The following ERBB4 variants were observed in gnomAD, a reference collection of about 807,000 sequenced individuals.
ERBB4 encodes the protein erb-b2 receptor tyrosine kinase 4, also known as receptor tyrosine-protein kinase erbB-4.
A neutral mutation model predicts 158.0 loss-of-function variants in ERBB4; 42 were observed. The ratio of observed to expected loss-of-function variants is 0.27; its 90% CI spans 0.21 to 0.34. The LOEUF (loss-of-function observed/expected upper bound fraction) is 0.34, where lower values mean the gene tolerates loss of function less well. Ranked by LOEUF, ERBB4 falls within the 10% of genes least tolerant of loss-of-function variation. ERBB4 has a pLI of 1.00. For synonymous variants in ERBB4, 583 were observed against 558.7 expected (o/e 1.04, Z -0.61); for missense variants, 1,333 against 1,624.1 (o/e 0.82, Z 3.08).
Position 211,768,884 on chromosome 2 carries a change from G to A in ERBB4, c.557-18180C>T, listed in dbSNP as rs149968385. On this transcript the variant is annotated intron_variant, in intron 4 of 27. Coordinates refer to ENST00000342788, the MANE Select transcript of ERBB4 (RefSeq NM_005235.3). ...CTCCTTACTTATGCCAATTTTTGCA[G>A]CCAGCTTGAATTTCTCATCAGAAAA... Among the ~76,000 whole-genome samples the A allele has an allele frequency of 3.6e-3, 545 of 152,282 alleles. 5 individuals are homozygous for A. The highest frequency in any genetic ancestry group is 0.014 in the Middle Eastern group (4 of 294).
intron 2 of ERBB4, among the ~76,000 whole-genome samples, chr2:212,028,656 G>A (rs2076830792): frequency 6.6e-6 from 1 of 152,042 alleles, no homozygotes; most frequent in South Asian, 2.1e-4. Context: ...CTGTGAAATA[G>A]TTTCCCTTTA....
chr2:212,124,342 C>T (rs2079852174), intron 2 of ERBB4, among the ~76,000 whole-genome samples: 1 of 151,474 alleles, frequency 6.6e-6, no homozygotes, highest in Non-Finnish European at 1.5e-5. Context: ...CAGTGTTAGT[C>T]TCCTTATGTG....
chr2:212,308,936 G>A (rs2086914854), intron 1 of ERBB4, among the ~76,000 whole-genome samples: 3 of 150,908 alleles, frequency 2.0e-5, no homozygotes, highest in East Asian at 2.0e-4. Flanking sequence ...CCAATATTGG[G>A]TAAAAATAAC....
intron 12 of ERBB4, 112 bp downstream of exon 12, chr2:211,701,855 G>T: frequency 1.3e-6 from 1 of 763,526 alleles, no homozygotes; most frequent in Non-Finnish European, 2.3e-6. Flanking sequence ...TTTAAGGGTT[G>T]GGATAACAGA....
intron 16 of ERBB4, among the ~76,000 whole-genome samples, chr2:211,633,838 C>T (rs2070243947): frequency 2.0e-5 from 3 of 151,850 alleles, no homozygotes; most frequent in African/African-American, 7.3e-5. Context: ...AACTATACAT[C>T]TAACAAAGGT....
chr2:211,746,371 A>G (rs535736499), intron 5 of ERBB4, among the ~76,000 whole-genome samples: 1 of 152,352 alleles, frequency 6.6e-6, no homozygotes, highest in Admixed American at 6.5e-5. Context: ...TGGAGTAAGC[A>G]CAGTGGCCGT....
At chr2:211,875,901 T>C (rs1024559602) in intron 3 of ERBB4, among the ~76,000 whole-genome samples, 2 of 152,162 alleles carry the variant, frequency 1.3e-5, no homozygotes, top group Non-Finnish European at 2.9e-5. Context: ...CACTGGTTTG[T>C]AGTAACAGGC....
At chr2:211,815,193 A>C (rs761429106) in intron 3 of ERBB4, among the ~76,000 whole-genome samples, 6 of 152,226 alleles carry the variant, frequency 3.9e-5, no homozygotes, top group Non-Finnish European at 7.3e-5. Flanking sequence ...ATGATAAAGA[A>C]AGTAACTCAT....
intron 4 of ERBB4, among the ~76,000 whole-genome samples, chr2:211,756,838 G>T (rs1273948169): frequency 6.6e-6 from 1 of 152,308 alleles, no homozygotes; most frequent in Middle Eastern, 3.4e-3. Context: ...TATTAGAGCT[G>T]ATCAGATGCT....
At chr2:212,328,501 T>C (rs1308298672) in intron 1 of ERBB4, among the ~76,000 whole-genome samples, 1 of 152,014 alleles carries the variant, frequency 6.6e-6, no homozygotes, top group Non-Finnish European at 1.5e-5. Context: ...CAGAGTAGCA[T>C]ATGAAGCTGG....
intron 1 of ERBB4, among the ~76,000 whole-genome samples, chr2:212,234,772 A>G (rs982670632): frequency 1.3e-5 from 2 of 152,160 alleles, no homozygotes; most frequent in African/African-American, 4.8e-5. Context: ...GGCTGCATAA[A>G]TGTCTTCTTT....
At chr2:211,832,129 T>C (rs903025334) in intron 3 of ERBB4, among the ~76,000 whole-genome samples, 1 of 152,138 alleles carries the variant, frequency 6.6e-6, no homozygotes, top group East Asian at 1.9e-4. Context: ...ATATAGCTAC[T>C]GTAGCTTTTA....
intron 3 of ERBB4, among the ~76,000 whole-genome samples, chr2:211,917,821 G>C (rs1575374840): frequency 6.6e-6 from 1 of 152,272 alleles, no homozygotes; most frequent in East Asian, 1.9e-4. Context: ...ATTCACTGAA[G>C]GGTTTTGAGG....
intron 20 of ERBB4, among the ~76,000 whole-genome samples, chr2:211,513,422 A>G (rs995415255): frequency 2.0e-5 from 3 of 150,178 alleles, no homozygotes; most frequent in African/African-American, 7.3e-5. Flanking sequence ...ATGGTCAACT[A>G]TGCCTTTTTT....
intron 1 of ERBB4, among the ~76,000 whole-genome samples, chr2:212,518,156 T>A (rs1032831791): frequency 6.6e-6 from 1 of 152,028 alleles, no homozygotes; most frequent in Non-Finnish European, 1.5e-5. Context: ...CATAAATCAG[T>A]CTAAAACACT....
intron 20 of ERBB4, among the ~76,000 whole-genome samples, chr2:211,493,954 T>C (rs1010728368): frequency 1.3e-5 from 2 of 152,110 alleles, no homozygotes; most frequent in Non-Finnish European, 2.9e-5. Context: ...AAGACCCTAA[T>C]TTATAGCATT....
At chr2:211,543,053 G>A (rs2066854610) in intron 20 of ERBB4, among the ~76,000 whole-genome samples, 1 of 151,886 alleles carries the variant, frequency 6.6e-6, no homozygotes, top group African/African-American at 2.4e-5. Flanking sequence ...GAAAAATTTA[G>A]AACTTCCAAT....
intron 16 of ERBB4, among the ~76,000 whole-genome samples, chr2:211,653,763 C>G (rs2105889841): frequency 6.6e-6 from 1 of 152,212 alleles, no homozygotes; most frequent in Middle Eastern, 3.4e-3. Context: ...TAACCTCTGC[C>G]TCCCAGGTTC....
chr2:212,071,541 A>AAT (rs1229019588), intron 2 of ERBB4, among the ~76,000 whole-genome samples: 1 of 152,018 alleles, frequency 6.6e-6, no homozygotes, highest in East Asian at 1.9e-4. Flanking sequence ...TACAAAAGAC[A>AAT]ATAATCTTCT....
Sources: allele counts gnomAD v4.1 joint callset (sites outside exome capture counted in the v4.1 genomes callset), GRCh38; gene constraint gnomAD v4.1.1; transcripts MANE v1.5; gene names NCBI Gene and HGNC (gene_info 2026-07-23, HGNC 2026-07-21).